Variants in DBF4B observed in about 807,000 individuals in gnomAD.
DBF4B encodes the protein DBF4B-CDC7 kinase regulatory subunit.
In DBF4B, 49 loss-of-function variants were observed where a neutral mutation model predicts 53.4. The observed-to-expected ratio is 0.92, with a 90% CI of 0.73 to 1.16. The LOEUF is 1.16. DBF4B is among the 50% of genes most tolerant of loss of function. DBF4B has a pLI of 0.00. For missense variants in DBF4B, 692 were observed against 775.0 expected, an observed-to-expected ratio of 0.89 and a Z score of 1.27; for synonymous variants, 257 against 288.7, an observed-to-expected ratio of 0.89 and a Z score of 1.11.
chr17:44,708,774 A>G lies in DBF4B; in HGVS notation c.-47A>G, dbSNP rs773624471. 6.5e-6 allele frequency: 10 copies of G among 1,547,360 alleles called. No homozygotes were observed. In the East Asian group the frequency reaches 7.4e-5, roughly 11 times the overall value. On this transcript the variant is annotated 5_prime_UTR_variant, in exon 1 of 14. Transcript: ENST00000315005. The stretch of plus-strand genomic sequence containing the variant: ...CATGGAGCTCGCGAATGTAATACGG[A>G]GGCCTCTGAGGAAGGAGTACGGAGG...
At chr17:44,716,082 C>G (rs1973316015) in intron 2 of DBF4B, among the ~76,000 whole-genome samples, 1 of 151,940 alleles carries the variant, frequency 6.6e-6, no homozygotes, top group African/African-American at 2.4e-5. Context: ...CCTCGGCCTC[C>G]CAAAGTGCTG....
At chr17:44,730,192 ATTAAT>A in intron 4 of DBF4B, 96 bp downstream of exon 4, 2 of 1,299,032 alleles carry the variant, frequency 1.5e-6, no homozygotes, top group Non-Finnish European at 1.0e-6. Flanking sequence ...TTTCATCTGG[ATTAAT>A]TTAATCTCTC....
At chr17:44,725,437 CAT>C (rs527713167) in intron 3 of DBF4B, among the ~76,000 whole-genome samples, 97 of 152,202 alleles carry the variant, frequency 6.4e-4, no homozygotes, top group African/African-American at 2.2e-3. Context: ...ATATAATTCA[CAT>C]GTCATAAAAT....
intron 6 of DBF4B, among the ~76,000 whole-genome samples, chr17:44,733,149 A>C (rs1415122060): frequency 1.3e-5 from 2 of 148,976 alleles, no homozygotes; most frequent in Admixed American, 6.7e-5. Context: ...TGGGCGACAG[A>C]GCGAGACTCC....
intron 10 of DBF4B, 34 bp from the exon 11 acceptor site, chr17:44,747,049 G>A (rs774550518): frequency 3.1e-6 from 5 of 1,600,302 alleles, no homozygotes; most frequent in Non-Finnish European, 4.3e-6. Flanking sequence ...GGCCCCAGCA[G>A]TAACCACTTT....
intron 8 of DBF4B, 62 bp from the exon 9 acceptor site, chr17:44,738,317 T>G (rs1477389845): frequency 3.3e-6 from 5 of 1,509,576 alleles, no homozygotes; most frequent in Non-Finnish European, 4.5e-6. Flanking sequence ...TTCCTGCATG[T>G]GTGGTGCAGG....
chr17:44,719,292 G>A (rs903523208), intron 2 of DBF4B, among the ~76,000 whole-genome samples: 3 of 151,230 alleles, frequency 2.0e-5, no homozygotes, highest in African/African-American at 7.3e-5. Flanking sequence ...CAGCTTTTTT[G>A]AGTTATAGTT....
intron 2 of DBF4B, among the ~76,000 whole-genome samples, chr17:44,721,786 GC>G (rs1973870726): frequency 6.6e-6 from 1 of 150,926 alleles, no homozygotes; most frequent in South Asian, 2.1e-4. Flanking sequence ...AAAAGCTTAT[GC>G]CCTATCTCGT....
chr17:44,731,127 T>C, intron 5 of DBF4B, 112 bp downstream of exon 5: 1 of 1,171,320 alleles, frequency 8.5e-7, no homozygotes, highest in Admixed American at 1.9e-5. Context: ...CTCTGCGATA[T>C]GTAGTATTGT....
Position 44,708,702 on chromosome 17 carries a change from G to T in DBF4B, c.-119G>T, listed in dbSNP as rs999794210. ...CGGCCGAAAACGCCAAGAGATTGAT[G>T]CTGTAGCTGCCCTGAGATAACCAGG... On this transcript the variant is annotated 5_prime_UTR_variant, in exon 1 of 14. An upstream start codon of the reference 5' UTR is lost. Transcript: ENST00000315005. The T allele has an allele frequency of 8.0e-6, 10 of 1,249,488 alleles. No homozygotes were observed. The highest frequency in any genetic ancestry group is 2.0e-4 in the Middle Eastern group (1 of 5,056). The allele number at this position is 1,249,488 out of a possible 1,614,324, so 77.4% of individuals were successfully genotyped here.
chr17:44,722,121 C>T (rs1167138922), intron 2 of DBF4B, among the ~76,000 whole-genome samples: 4 of 150,580 alleles, frequency 2.7e-5, no homozygotes, highest in Non-Finnish European at 4.4e-5. Flanking sequence ...GCAACAAGAG[C>T]GAAACTCCGT....
At position 44,732,056 on chromosome 17, in the gene DBF4B, T is replaced by A. The variant is rs149443593; in HGVS notation, c.469-122T>A. On this transcript the variant is annotated intron_variant, in intron 5 of 13. Coordinates refer to ENST00000315005, the MANE Select transcript of DBF4B (RefSeq NM_145663.3). The stretch of plus-strand genomic sequence containing the variant: ...TGGGCACTGTACTCTCTCTCCTACC[T>A]GCCTCCCTGCAGTCCCTCCCATGGA... 3,092 of 846,836 alleles carry A rather than the reference T, an allele frequency of 3.7e-3. 22 individuals carry two copies. The highest frequency in any genetic ancestry group is 0.014 in the Middle Eastern group (41 of 2,828). 52.5% of individuals were successfully genotyped at this position (846,836 alleles called of 1,614,324 possible).
intron 2 of DBF4B, among the ~76,000 whole-genome samples, chr17:44,717,512 G>A (rs1048047628): frequency 6.6e-6 from 1 of 151,860 alleles, no homozygotes; most frequent in Admixed American, 6.6e-5. Flanking sequence ...TTCGAGACCA[G>A]CCTGGCCAAC....
rs749062397 is a variant in DBF4B, at chr17:44,750,691, C to T, written c.1286C>T (p.Thr429Ile). ...AGTCACACATGTGTGAGTGCCACAA[C>T]CCTCCTGCCGGCCTTGCCCAAGGGC... Reference protein sequence around the residue: ...PASHTCVSATTLLPALPKGSR... With the variant: ...PASHTCVSATILLPALPKGSR... The change falls in exon 14 of 14, where the codon ACC (threonine) becomes ATC (isoleucine). Residue 429 changes from threonine (T) to isoleucine (I), a missense_variant. Thr to Ile is a moderately conservative substitution (Grantham distance 89, BLOSUM62 -1). Around this residue, in one of 3 missense-constraint regions of DBF4B, gnomAD observed 597 missense variants for 665.8 expected, o/e 0.90. Transcript: ENST00000315005. 7 of 1,613,994 alleles carry T rather than the reference C, an allele frequency of 4.3e-6. No individual in the cohort carries two copies. In the Admixed American group the frequency reaches 1.2e-4, roughly 27 times the overall value.
intron 13 of DBF4B, chr17:44,748,934 C>G (rs2049191528): frequency 2.3e-6 from 3 of 1,289,910 alleles, no homozygotes; most frequent in Admixed American, 2.3e-5. Context: ...CCCTGGCAGC[C>G]CACAGACAGA....
At chr17:44,750,305 G>T (rs3744477) in intron 13 of DBF4B, 1 of 1,162,504 alleles carries the variant, frequency 8.6e-7, no homozygotes, top group Non-Finnish European at 1.1e-6. Flanking sequence ...CTCTGCGTCC[G>T]TGCATTTAAA....
At chr17:44,724,866 C>T (rs58906298) in intron 3 of DBF4B, among the ~76,000 whole-genome samples, 17,626 of 152,054 alleles carry the variant, frequency 0.12, 1,231 homozygotes, top group South Asian at 0.24. Flanking sequence ...CCTGTAATCC[C>T]GGCACTTTGG....
rs759901429 is a variant in DBF4B, at chr17:44,749,512, C to T, written c.1189+1047C>T. 31 of 1,267,256 alleles carry T rather than the reference C, an allele frequency of 2.4e-5. No individual in the cohort carries two copies. Among genetic ancestry groups the T allele is most frequent in the African/African-American group, 4.6e-5 (3 of 65,324 alleles). The allele number at this position is 1,267,256 out of a possible 1,614,324, so 78.5% of individuals were successfully genotyped here. A position where few individuals can be genotyped will look rare whatever the true frequency, so the allele number is the denominator to read the frequency against. ...TTTGAAGTCCAGCAAGCAGCTGTCA[C>T]GCTCAGCTCCATGGAGCTGACAGAG... On this transcript the variant is annotated intron_variant, in intron 13 of 13. Coordinates refer to ENST00000315005, the MANE Select transcript of DBF4B (RefSeq NM_145663.3). The surrounding 1 kb of genome is among the most constrained non-coding windows in gnomAD (Gnocchi z 4.4).
Position 44,742,755 on chromosome 17 carries a change from G to A in DBF4B, c.830+1303G>A, listed in dbSNP as rs115164209. Among the ~76,000 whole-genome samples, 514 of 152,280 alleles carry A rather than the reference G, an allele frequency of 3.4e-3. 2 individuals are homozygous for A. Among genetic ancestry groups the A allele is most frequent in the African/African-American group, 0.012 (494 of 41,550 alleles). ...GCGGGGGAGAAGATCGCTGCATTAC[G>A]TGGCTCATGGCTTGTGGGCTTGTTA... On this transcript the variant is annotated intron_variant, in intron 10 of 13. Coordinates refer to ENST00000315005, the MANE Select transcript of DBF4B (RefSeq NM_145663.3).
Sources: allele counts gnomAD v4.1 joint callset (sites outside exome capture counted in the v4.1 genomes callset), GRCh38; gene constraint gnomAD v4.1.1; regional missense constraint gnomAD v4.1.1; non-coding constraint Gnocchi (gnomAD v3.1); transcripts MANE v1.5; gene names NCBI Gene and HGNC (gene_info 2026-07-23, HGNC 2026-07-21).